UGT2A2: variants seen among roughly 807,000 people sequenced by gnomAD.
The protein encoded by UGT2A2 is UDP glucuronosyltransferase family 2 member A2.
In UGT2A2, 60 loss-of-function variants were observed where a neutral mutation model predicts 50.7. The observed-to-expected ratio is 1.18, with a 90% CI of 0.96 to 1.47. The LOEUF (loss-of-function observed/expected upper bound fraction) is 1.47, where lower values mean the gene tolerates loss of function less well. Among genes scored for constraint, UGT2A2 ranks in the 40% most tolerant of loss-of-function variants. UGT2A2 has a pLI of 0.00. For missense variants in UGT2A2, 762 were observed against 634.0 expected (o/e 1.20, Z -2.17); for synonymous variants, 242 against 214.6 (o/e 1.13, Z -1.11).
At chr4:69,599,793 T>G (rs1719161727) in intron 1 of UGT2A2, 1 of 153,424 alleles carries the variant, frequency 6.5e-6, no homozygotes, top group Non-Finnish European at 1.4e-5. Flanking sequence ...GGAGGGAGGA[T>G]TTTTTGTTAG....
chr4:69,607,368 G>A (rs373312651), intron 1 of UGT2A2, among the ~76,000 whole-genome samples: 33,738 of 149,320 alleles, frequency 0.23, 3,974 homozygotes, highest in Middle Eastern at 0.31. Flanking sequence ...CTAGCCATAT[G>A]TAGAAAGCTG....
intron 1 of UGT2A2, among the ~76,000 whole-genome samples, chr4:69,599,974 A>G (rs574728481): frequency 1.3e-5 from 2 of 152,194 alleles, no homozygotes; most frequent in African/African-American, 4.8e-5. Flanking sequence ...TGCCTCTCCC[A>G]CTTGAAAAGA....
At chr4:69,595,673 AT>A (rs959054932) in intron 3 of UGT2A2, among the ~76,000 whole-genome samples, 1 of 152,196 alleles carries the variant, frequency 6.6e-6, no homozygotes, top group African/African-American at 2.4e-5. Context: ...AGAGATAAAA[AT>A]TAAGGTTAAT....
intron 1 of UGT2A2, among the ~76,000 whole-genome samples, chr4:69,622,134 GCACATGTACTCCTGAA>G (rs1293532890): frequency 2.0e-5 from 3 of 151,614 alleles, no homozygotes; most frequent in Non-Finnish European, 4.4e-5. Flanking sequence ...TAACAAACCT[GCACATGTACTCCTGAA>G]CCAAAAGGTT....
intron 1 of UGT2A2, among the ~76,000 whole-genome samples, chr4:69,615,995 T>C (rs1033668813): frequency 1.3e-5 from 2 of 152,040 alleles, no homozygotes; most frequent in African/African-American, 2.4e-5. Context: ...AGCCAAGATA[T>C]GGAATCAACC....
At chr4:69,601,308 C>T (rs540210012) in intron 1 of UGT2A2, among the ~76,000 whole-genome samples, 16 of 152,264 alleles carry the variant, frequency 1.1e-4, no homozygotes, top group African/African-American at 2.4e-4. Context: ...GACCCAGCCT[C>T]GTGTTCTTGC....
At chr4:69,637,633 T>C (rs1009874236) in intron 1 of UGT2A2, among the ~76,000 whole-genome samples, 1 of 152,144 alleles carries the variant, frequency 6.6e-6, no homozygotes, top group African/African-American at 2.4e-5. Context: ...ATATGCAAAC[T>C]CACTCTAAGA....
chr4:69,634,865 G>A (rs982476567), intron 1 of UGT2A2, among the ~76,000 whole-genome samples: 3 of 152,202 alleles, frequency 2.0e-5, no homozygotes, highest in Admixed American at 6.5e-5. Context: ...GAGACAAAAT[G>A]CCCATTACCC....
At position 69,610,675 on chromosome 4, in the gene UGT2A2, T is replaced by C. The variant is rs143320992; in HGVS notation, c.743-11281A>G. On this transcript the variant is annotated intron_variant, in intron 1 of 5. Coordinates refer to ENST00000604629, the MANE Select transcript of UGT2A2 (RefSeq NM_001105677.2). ...GGTCTCTAATCCATTATGACTAGTG[T>C]CCTTCCAAGAAGAGGAAGTGACACC... Among the ~76,000 whole-genome samples, 75 of 152,278 alleles carry C rather than the reference T, an allele frequency of 4.9e-4. 1 individual carries two copies. The East Asian group carries it at 0.012, about 25-fold the overall frequency.
chr4:69,596,194 G>T (rs1341365976), intron 3 of UGT2A2, 56 bp downstream of exon 3: 10 of 1,425,438 alleles, frequency 7.0e-6, no homozygotes, highest in Non-Finnish European at 9.2e-6. Flanking sequence ...ATTACTAGCT[G>T]CATTGTCTCT....
chr4:69,618,469 T>C (rs1720548092), intron 1 of UGT2A2, among the ~76,000 whole-genome samples: 1 of 151,904 alleles, frequency 6.6e-6, no homozygotes, highest in Admixed American at 6.6e-5. Context: ...TCTAACTTTG[T>C]TTATTGAAAG....
chr4:69,614,118 C>CTGAATGGTTTT (rs373359634), intron 1 of UGT2A2, among the ~76,000 whole-genome samples: 1 of 151,616 alleles, frequency 6.6e-6, no homozygotes, highest in Admixed American at 6.6e-5. Flanking sequence ...CTGATAAACC[C>CTGAATGGTTTT]ATTCAGTAGT....
intron 1 of UGT2A2, among the ~76,000 whole-genome samples, chr4:69,635,368 A>G (rs969469240): frequency 1.3e-5 from 2 of 152,198 alleles, no homozygotes; most frequent in East Asian, 1.9e-4. Flanking sequence ...CAAAAGACAC[A>G]TGCAAAATGG....
Position 69,589,428 on chromosome 4 carries a change from A to C in UGT2A2, c.1555T>G (p.Cys519Gly), listed in dbSNP as rs1718451490. ...TTAIFLVIQC[C>G]LFSCQKFGKI... ...CCAAATTTTTGACAGGAAAACAAACAACATTGTATGACCAAAAATATAGCC... is the reference window on the plus strand; with the variant it reads ...CCAAATTTTTGACAGGAAAACAAACCACATTGTATGACCAAAAATATAGCC... The change falls in exon 6 of 6, where the codon TGT becomes GGT. Residue 519 changes from cysteine to glycine, a missense_variant. Coordinates refer to ENST00000604629, the MANE Select transcript of UGT2A2 (RefSeq NM_001105677.2). The C allele has an allele frequency of 6.2e-7, 1 of 1,613,952 alleles. No homozygotes were observed. The highest frequency in any genetic ancestry group is 1.7e-5 in the Admixed American group (1 of 59,980).
chr4:69,609,685 C>CACCTAT lies in UGT2A2; in HGVS notation c.743-10297_743-10292dup, dbSNP rs61115115. On this transcript the variant is annotated intron_variant, in intron 1 of 5. Coordinates refer to ENST00000604629, the MANE Select transcript of UGT2A2 (RefSeq NM_001105677.2). The stretch of plus-strand genomic sequence containing the variant: ...ATACATATTTCTATACCTATACCCA[C>CACCTAT]ACCTATACCTATACCTATACCTATA... 1.9e-4 allele frequency among the ~76,000 whole-genome samples: 29 copies of CACCTAT among 151,568 alleles called. No individual in the cohort carries two copies. The Middle Eastern group carries it at 0.014, about 72-fold the overall frequency.
In UGT2A2 at chr4:69,594,651, C is replaced by G. The variant is rs1409854105; in HGVS notation, c.1157G>C (p.Gly386Ala). ...KAFITHGGTN[G>A]IYEAIYHGVP... is the part of the protein sequence containing the mutation. ...TCCGTGGTAAATAGCTTCGTAGATC[C>G]CATTAGTTCCACCATGAGTGATAAA... Residue 386 changes from glycine to alanine, a missense_variant, in exon 5 of 6, where the codon GGG (glycine) becomes GCG (alanine). Gly to Ala is a moderately conservative substitution (Grantham distance 60). Transcript: ENST00000604629. 3 of 1,614,010 alleles carry G rather than the reference C, an allele frequency of 1.9e-6. No homozygotes were observed. The Admixed American group carries it at 5.0e-5, about 27-fold the overall frequency.
chr4:69,634,886 C>T (rs563014002), intron 1 of UGT2A2, among the ~76,000 whole-genome samples: 7 of 152,128 alleles, frequency 4.6e-5, no homozygotes, highest in African/African-American at 1.7e-4. Flanking sequence ...TCATTTTTAT[C>T]TTATATTGTG....
At chr4:69,636,396 A>T (rs111739866) in intron 1 of UGT2A2, among the ~76,000 whole-genome samples, 1 of 152,174 alleles carries the variant, frequency 6.6e-6, no homozygotes, top group Admixed American at 6.5e-5. Context: ...TCTTCACAGT[A>T]TACCTTAATT....
rs1718390356 is a variant in UGT2A2, at chr4:69,588,638, T to A, written c.*734A>T. The A allele has an allele frequency of 6.6e-6, 1 of 152,032 alleles. No individual in the cohort carries two copies. The highest frequency in any genetic ancestry group is 2.4e-5 in the African/African-American group (1 of 41,408). The allele number at this position is 152,032 out of a possible 1,614,324, so 9.4% of individuals were successfully genotyped here. On this transcript the variant is annotated 3_prime_UTR_variant, in exon 6 of 6. Coordinates refer to ENST00000604629, the MANE Select transcript of UGT2A2 (RefSeq NM_001105677.2). ...ATATGATCTGTTCACCTTCAACATA[T>A]AACATAGAACTTTCTCCTTGAAATA...
Sources: allele counts gnomAD v4.1 joint callset (sites outside exome capture counted in the v4.1 genomes callset), GRCh38; gene constraint gnomAD v4.1.1; transcripts MANE v1.5; gene names NCBI Gene and HGNC (gene_info 2026-07-23, HGNC 2026-07-21).